Variants in PRMT9 observed in about 807,000 individuals in gnomAD.
PRMT9 encodes protein arginine N-methyltransferase 9.
In PRMT9, 59 loss-of-function variants were observed where a neutral mutation model predicts 83.2. The ratio of observed to expected loss-of-function variants is 0.71; its 90% CI spans 0.57 to 0.88. The LOEUF (loss-of-function observed/expected upper bound fraction) is 0.88, where lower values mean the gene tolerates loss of function less well. Among genes scored for constraint, PRMT9 ranks in the 40% least tolerant of loss-of-function variants. The pLI is 0.00. For missense variants in PRMT9, 947 were observed against 1,021.9 expected (o/e 0.93, Z 1.00); for synonymous variants, 333 against 353.2 (o/e 0.94, Z 0.64).
At chr4:147,676,354 T>A (rs149167605) in intron 2 of PRMT9, among the ~76,000 whole-genome samples, 53 of 152,326 alleles carry the variant, frequency 3.5e-4, no homozygotes, top group Middle Eastern at 3.4e-3. Context: ...ACTCTCATTA[T>A]ATAAAGAACA....
intron 6 of PRMT9, among the ~76,000 whole-genome samples, chr4:147,667,187 C>T (rs779042223): frequency 1.3e-5 from 2 of 152,100 alleles, no homozygotes; most frequent in African/African-American, 2.4e-5. Context: ...ATTCTTTAAC[C>T]CAGTAATTCC....
At chr4:147,666,823 T>TAAA (rs67002013) in intron 6 of PRMT9, among the ~76,000 whole-genome samples, 5 of 126,446 alleles carry the variant, frequency 4.0e-5, no homozygotes, top group African/African-American at 5.9e-5. Context: ...GAACTTTGTT[T>TAAA]AAAAAAAAAA....
chr4:147,653,124 G>A (rs1578891719), intron 9 of PRMT9, among the ~76,000 whole-genome samples: 1 of 152,110 alleles, frequency 6.6e-6, no homozygotes, highest in African/African-American at 2.4e-5. Flanking sequence ...GCAATGACCA[G>A]TAGCAATAAG....
At chr4:147,681,050 T>C (rs1291259016) in intron 1 of PRMT9, among the ~76,000 whole-genome samples, 4 of 152,224 alleles carry the variant, frequency 2.6e-5, no homozygotes, top group Non-Finnish European at 5.9e-5. Context: ...AGAGGCCCTA[T>C]AGAGAGAAAT....
Position 147,654,488 on chromosome 4 carries a change from C to T in PRMT9, c.1409G>A (p.Ser470Asn), listed in dbSNP as rs200858338. The T allele has an allele frequency of 3.9e-5, 63 of 1,613,972 alleles. No homozygotes were observed. Among genetic ancestry groups the T allele is most frequent in the Admixed American group, 2.0e-4 (12 of 60,032 alleles). The stretch of plus-strand genomic sequence containing the variant: ...CATTTCACATTCCAAACCCAAGACA[C>T]TAATACTCTGGATTCTTAAGTAACA... ...QDCYLRIQSI[S>N]VLGLECEMDV... The change falls in exon 9 of 12, where the codon AGT becomes AAT. Residue 470 changes from serine to asparagine, a missense_variant. Physicochemically the swap from Ser to Asn is conservative, Grantham distance 46 (BLOSUM62 1). Coordinates refer to ENST00000322396, the MANE Select transcript of PRMT9 (RefSeq NM_138364.4).
At position 147,683,752 on chromosome 4, in the gene PRMT9, T is replaced by C. The variant is rs531797088; in HGVS notation, c.189+47A>G. 4.4e-6 allele frequency: 6 copies of C among 1,378,476 alleles called. No homozygotes were observed. The East Asian group carries it at 1.2e-4, about 27-fold the overall frequency. The allele number at this position is 1,378,476 out of a possible 1,614,324, so 85.4% of individuals were successfully genotyped here. On this transcript the variant is annotated intron_variant, in intron 1 of 11. Transcript: ENST00000322396. ...TTTTTTCTGTTTTTTTTTTTTTTTT[T>C]ACGAGGACGTTGGATCTGCCAGCAA...
chr4:147,670,495 A>G (rs962883065), intron 5 of PRMT9, 146 bp downstream of exon 5: 14 of 675,410 alleles, frequency 2.1e-5, no homozygotes, highest in Admixed American at 1.2e-4. Context: ...AGTTTTTTGC[A>G]TAGATTTCTT....
At position 147,648,782 on chromosome 4, in the gene PRMT9, T is replaced by TC. The variant is rs749882787; in HGVS notation, c.2045+5069dup. Among the ~76,000 whole-genome samples the TC allele has an allele frequency of 1.6e-4, 25 of 152,226 alleles. No individual in the cohort carries two copies. The East Asian group carries it at 3.1e-3, about 19-fold the overall frequency. On this transcript the variant is annotated intron_variant, in intron 9 of 11. Transcript: ENST00000322396. ...TTATGTATGCTTGCAATTTTTTTTT[T>TC]CTCTGTTATTATCCTTGCAACTCAA...
At chr4:147,652,379 G>C (rs1578890134) in intron 9 of PRMT9, among the ~76,000 whole-genome samples, 1 of 151,614 alleles carries the variant, frequency 6.6e-6, no homozygotes, top group Non-Finnish European at 1.5e-5. Flanking sequence ...CAAACTTTTT[G>C]ATAAAAATCA....
In PRMT9 at chr4:147,640,061, CTTTTTTTTTTTT is replaced by C. The variant is rs1185905675; in HGVS notation, c.2200-991_2200-980del. Among the ~76,000 whole-genome samples the C allele has an allele frequency of 8.6e-5, 3 of 35,086 alleles. No homozygotes were observed. In the East Asian group the frequency reaches 2.7e-3, roughly 32 times the overall value. The allele number at this position is 35,086 out of a possible 152,430, so 23.0% of individuals were successfully genotyped here. A position where few individuals can be genotyped will look rare whatever the true frequency, so the allele number is the denominator to read the frequency against. ...CTCACACTAACTGGTCCACTCCTGTCTTTTTTTTTTTTTTTTTTTTTTTTTTTTTAATATAGG... is the reference window on the plus strand; with the variant it reads ...CTCACACTAACTGGTCCACTCCTGTCTTTTTTTTTTTTTTTTTAATATAGG... On this transcript the variant is annotated intron_variant, in intron 10 of 11. Coordinates refer to ENST00000322396, the MANE Select transcript of PRMT9 (RefSeq NM_138364.4).
intron 2 of PRMT9, among the ~76,000 whole-genome samples, chr4:147,676,995 G>T (rs1736130591): frequency 7.0e-6 from 1 of 143,110 alleles, no homozygotes; most frequent in Non-Finnish European, 1.5e-5. Context: ...AGTGAGCTGA[G>T]ATCCTGCCAC....
Position 147,683,815 on chromosome 4 carries a change from A to T in PRMT9, c.173T>A (p.Leu58Gln). 1 of 1,599,840 alleles carries T rather than the reference A, an allele frequency of 6.3e-7. No individual in the cohort carries two copies. Among genetic ancestry groups the T allele is most frequent in the Non-Finnish European group, 8.5e-7 (1 of 1,175,220 alleles). The change falls in exon 1 of 12, where the codon CTG becomes CAG. Residue 58 changes from leucine (L) to glutamine (Q), a missense_variant. By Grantham distance (113) the Leu-to-Gln change is moderately radical. Transcript: ENST00000322396. ...GACCCTCACCTTCACGTCGTGTTTC[A>T]GCTCCGGCGCCAGGCTGAGCACGAG... The part of the protein sequence containing the change: ...YLLVLSLAPE[L>Q]KHDVKETFQY...
chr4:147,682,395 C>T (rs1042892469), intron 1 of PRMT9, among the ~76,000 whole-genome samples: 8 of 152,246 alleles, frequency 5.3e-5, no homozygotes, highest in Non-Finnish European at 1.0e-4. Flanking sequence ...AGGCTGGTCT[C>T]GAACTACTGA....
At chr4:147,670,976 G>A (rs190080201) in intron 4 of PRMT9, among the ~76,000 whole-genome samples, 1 of 151,960 alleles carries the variant, frequency 6.6e-6, no homozygotes, top group Non-Finnish European at 1.5e-5. Context: ...GAAGATGGAG[G>A]GTGGGGGGAG....
rs191563948 is a variant in PRMT9, at chr4:147,657,151, T to G, written c.1330+641A>C. 2.4e-4 allele frequency among the ~76,000 whole-genome samples: 36 copies of G among 152,082 alleles called. No homozygotes were observed. In the East Asian group the frequency reaches 6.8e-3, roughly 29 times the overall value. ...AGACGTTATCGGCTTCTCTAAGGAG[T>G]AAGAACTCCTGCACTAAAAGCAATA... On this transcript the variant is annotated intron_variant, in intron 8 of 11. Transcript: ENST00000322396.
In PRMT9 at chr4:147,676,628, T is replaced by G. The variant is rs372205089; in HGVS notation, c.339-2754A>C. Among the ~76,000 whole-genome samples, 3 of 152,304 alleles carry G rather than the reference T, an allele frequency of 2.0e-5. No homozygotes were observed. In the East Asian group the frequency reaches 5.8e-4, roughly 29 times the overall value. On this transcript the variant is annotated intron_variant, in intron 2 of 11. Transcript: ENST00000322396. ...CAAATATTTGTTTTTTAAAGGAGAA[T>G]TCATTGTCACTCCCTAGGCCATGTT... is the stretch of plus-strand genomic sequence containing the variant.
In PRMT9 at chr4:147,654,459, C is replaced by T. The variant is rs548422720; in HGVS notation, c.1438G>A (p.Val480Ile). The T allele has an allele frequency of 2.9e-5, 46 of 1,613,956 alleles. No homozygotes were observed. In the South Asian group the frequency reaches 4.3e-4, roughly 15 times the overall value. The change falls in exon 9 of 12, where the codon GTT (valine) becomes ATT (isoleucine). Residue 480 changes from valine to isoleucine, a missense_variant. Val to Ile is a conservative substitution (Grantham distance 29, BLOSUM62 3). Coordinates refer to ENST00000322396, the MANE Select transcript of PRMT9 (RefSeq NM_138364.4). ...SVLGLECEMD[V>I]AKSFTQNKDL... is the part of the protein sequence containing the mutation. ...TTATTCTGGGTAAAACTTTTTGCAACATCCATTTCACATTCCAAACCCAAG... is the reference window on the plus strand; with the variant it reads ...TTATTCTGGGTAAAACTTTTTGCAATATCCATTTCACATTCCAAACCCAAG...
chr4:147,658,954 C>T (rs544617792), intron 7 of PRMT9, among the ~76,000 whole-genome samples: 54 of 152,046 alleles, frequency 3.6e-4, no homozygotes, highest in Admixed American at 1.4e-3. Flanking sequence ...CCAAGGCGGA[C>T]GGATCACGAG....
At chr4:147,647,540 T>TG (rs1733808795) in intron 9 of PRMT9, among the ~76,000 whole-genome samples, 1 of 151,654 alleles carries the variant, frequency 6.6e-6, no homozygotes, top group South Asian at 2.1e-4. Flanking sequence ...TTTTTTTTTT[T>TG]GAGACGGAGT....
Sources: allele counts gnomAD v4.1 joint callset (sites outside exome capture counted in the v4.1 genomes callset), GRCh38; gene constraint gnomAD v4.1.1; transcripts MANE v1.5; gene names NCBI Gene and HGNC (gene_info 2026-07-23, HGNC 2026-07-21).